AFF1: variants seen among roughly 807,000 people sequenced by gnomAD.
The protein encoded by AFF1 is AF4/FMR2 family member 1.
Under a neutral mutation model 121.7 loss-of-function variants are expected in AFF1, and 48 were observed. That is an observed-to-expected ratio of 0.39 (90% CI 0.31 to 0.50). The LOEUF (loss-of-function observed/expected upper bound fraction) is 0.50. Ranked by LOEUF, AFF1 falls within the 20% of genes least tolerant of loss-of-function variation. AFF1 has a pLI of 0.76. For missense variants in AFF1, 1,523 were observed against 1,511.7 expected, an observed-to-expected ratio of 1.01 and a Z score of -0.12; for synonymous variants, 613 against 563.0, an observed-to-expected ratio of 1.09 and a Z score of -1.26.
rs546724935 is a variant in AFF1 at position 87,104,178 on chromosome 4, G to A, written c.1284-1450G>A. ...CCCCAGCAGTTTAGGAGGCTGAGGT[G>A]GGCAGACCACTTGAACCCGGAGCTC... On this transcript the variant is annotated intron_variant, in intron 8 of 20. Coordinates refer to ENST00000395146, the MANE Select transcript of AFF1 (RefSeq NM_001166693.3). Among the ~76,000 whole-genome samples the A allele has an allele frequency of 1.6e-3, 243 of 152,256 alleles. 1 individual carries two copies. Among genetic ancestry groups the A allele is most frequent in the African/African-American group, 5.2e-3 (217 of 41,556 alleles).
At chr4:86,980,954 C>G (rs568225936) in intron 2 of AFF1, among the ~76,000 whole-genome samples, 7 of 136,972 alleles carry the variant, frequency 5.1e-5, no homozygotes, top group African/African-American at 1.6e-4. Flanking sequence ...GGCACCCCCC[C>G]CCTCCACCAA....
intron 2 of AFF1, among the ~76,000 whole-genome samples, chr4:86,982,968 G>C (rs1002095550): frequency 4.0e-5 from 6 of 151,632 alleles, no homozygotes; most frequent in South Asian, 4.2e-4. Context: ...CACTGAATCT[G>C]CTTGTGCCTT....
At chr4:87,019,688 C>CT (rs1354356086) in intron 2 of AFF1, among the ~76,000 whole-genome samples, 6 of 152,196 alleles carry the variant, frequency 3.9e-5, no homozygotes, top group Non-Finnish European at 8.8e-5. Context: ...CCCCTTCCCC[C>CT]ATATCTCACC....
chr4:86,949,991 A>G, intron 2 of AFF1: 1 of 1,614,102 alleles, frequency 6.2e-7, no homozygotes, highest in East Asian at 2.2e-5. Flanking sequence ...GCAGATCACA[A>G]AGATGGCGAG....
At chr4:86,991,671 G>GT (rs111715720) in intron 2 of AFF1, among the ~76,000 whole-genome samples, 6,524 of 150,526 alleles carry the variant, frequency 0.043, 446 homozygotes, top group African/African-American at 0.15. Context: ...TTTTTACTAC[G>GT]TTTTTTTTTA....
At chr4:86,949,517 T>C (rs1240413917) in intron 2 of AFF1, among the ~76,000 whole-genome samples, 2 of 113,152 alleles carry the variant, frequency 1.8e-5, no homozygotes, top group Admixed American at 2.1e-4. Flanking sequence ...AATTTCTATT[T>C]ATTAATTATT....
rs1370842445 is a variant in AFF1 at position 86,985,210 on chromosome 4, TATATAA to T, written c.38+36641_38+36646del. On this transcript the variant is annotated intron_variant, in intron 2 of 20. Transcript: ENST00000395146. ...ATATATATATATATATATATATATA[TATATAA>T]AATTATATTTTAGGCCGGGCAGAGG... Among the ~76,000 whole-genome samples the T allele has an allele frequency of 6.0e-4, 63 of 104,978 alleles. 1 individual carries two copies. The highest frequency in any genetic ancestry group is 3.6e-3 in the South Asian group (11 of 3,064). 68.9% of individuals were successfully genotyped at this position (104,978 alleles called of 152,430 possible). A position where few individuals can be genotyped will look rare whatever the true frequency, so the allele number is the denominator to read the frequency against.
intron 2 of AFF1, among the ~76,000 whole-genome samples, chr4:86,965,341 G>T (rs1425551296): frequency 6.6e-6 from 1 of 152,108 alleles, no homozygotes; most frequent in African/African-American, 2.4e-5. Context: ...TTCACTTTTC[G>T]GCTAATTTGT....
At chr4:86,971,000 AT>A (rs1283811695) in intron 2 of AFF1, among the ~76,000 whole-genome samples, 2 of 152,164 alleles carry the variant, frequency 1.3e-5, no homozygotes. Flanking sequence ...AGAGAAAGCC[AT>A]TTGAGGGTTC....
intron 2 of AFF1, among the ~76,000 whole-genome samples, chr4:87,002,189 C>G (rs1189301767): frequency 1.3e-5 from 2 of 150,590 alleles, no homozygotes; most frequent in Non-Finnish European, 3.0e-5. Context: ...AATTCCTGGG[C>G]CCAGGTGATC....
intron 8 of AFF1, among the ~76,000 whole-genome samples, chr4:87,095,241 C>G (rs574187006): frequency 6.6e-6 from 1 of 152,288 alleles, no homozygotes; most frequent in African/African-American, 2.4e-5. Flanking sequence ...GCGTCAGCCT[C>G]CTGAGTAGTT....
chr4:87,090,014 A>C lies in AFF1; in HGVS notation c.1135A>C (p.Thr379Pro), dbSNP rs1297108465. Reference sequence around the variant, plus strand: ...GACCCATTCATGGCCGCCTCCTTTGACAGCAATACATACGCCTAGTACAGC... The same window carrying C: ...GACCCATTCATGGCCGCCTCCTTTGCCAGCAATACATACGCCTAGTACAGC... ...EMTHSWPPPL[T>P]AIHTPSTAEP... The change falls in exon 6 of 21, where the codon ACA (threonine) becomes CCA (proline). Residue 379 changes from threonine (T) to proline (P), a missense_variant. Physicochemically the swap from Thr to Pro is conservative, Grantham distance 38 (BLOSUM62 -1). Around this residue, in one of 5 missense-constraint regions of AFF1, gnomAD observed 905 missense variants for 842.5 expected, o/e 1.07. Transcript: ENST00000395146. The C allele has an allele frequency of 1.2e-6, 2 of 1,613,690 alleles. No individual in the cohort carries two copies. The highest frequency in any genetic ancestry group is 1.7e-6 in the Non-Finnish European group (2 of 1,179,918).
intron 2 of AFF1, among the ~76,000 whole-genome samples, chr4:87,038,267 A>G (rs1423989566): frequency 6.6e-6 from 1 of 152,216 alleles, no homozygotes; most frequent in African/African-American, 2.4e-5. Context: ...AGTGATTTTT[A>G]TTATGAGAAA....
chr4:87,097,324 G>C (rs1001050631), intron 8 of AFF1, among the ~76,000 whole-genome samples: 33 of 152,150 alleles, frequency 2.2e-4, no homozygotes, highest in African/African-American at 7.7e-4. Flanking sequence ...AGCTGGGTCT[G>C]ATCTACGCCT....
At chr4:87,124,541 G>T (rs1423108708) in intron 12 of AFF1, among the ~76,000 whole-genome samples, 2 of 152,080 alleles carry the variant, frequency 1.3e-5, no homozygotes, top group East Asian at 3.9e-4. Context: ...TTATTTTTCA[G>T]TAGAAAATAA....
At chr4:87,037,406 G>C (rs1233668663) in intron 2 of AFF1, among the ~76,000 whole-genome samples, 1 of 152,044 alleles carries the variant, frequency 6.6e-6, no homozygotes, top group Non-Finnish European at 1.5e-5. Context: ...CCACCTCCTG[G>C]GTTCAAGCAG....
intron 1 of AFF1, 64 bp from the exon 2 acceptor site, chr4:86,948,434 C>A: frequency 9.2e-7 from 1 of 1,090,212 alleles, no homozygotes; most frequent in Non-Finnish European, 1.3e-6. Context: ...TCTTACAGGT[C>A]ATGCGTATCC....
chr4:87,095,794 A>G (rs1402380000), intron 8 of AFF1, among the ~76,000 whole-genome samples: 2 of 145,788 alleles, frequency 1.4e-5, no homozygotes, highest in African/African-American at 4.9e-5. Flanking sequence ...TCTTGATGGT[A>G]TTGAACTCTT....
chr4:86,961,577 G>A (rs1346579497), intron 2 of AFF1, among the ~76,000 whole-genome samples: 4 of 151,750 alleles, frequency 2.6e-5, no homozygotes. Flanking sequence ...GCATAGTGGG[G>A]GTGTGGGAAG....
Sources: allele counts gnomAD v4.1 joint callset (sites outside exome capture counted in the v4.1 genomes callset), GRCh38; gene constraint gnomAD v4.1.1; regional missense constraint gnomAD v4.1.1; transcripts MANE v1.5; gene names NCBI Gene and HGNC (gene_info 2026-07-23, HGNC 2026-07-21).